ASTN2: variants seen among roughly 807,000 people sequenced by gnomAD.
ASTN2 encodes astrotactin 2, also known as astrotactin-2.
In ASTN2, 54 loss-of-function variants were observed where a neutral mutation model predicts 139.8. The ratio of observed to expected loss-of-function variants is 0.39; its 90% CI spans 0.31 to 0.48. ASTN2 has a LOEUF of 0.48. ASTN2 is among the 20% of genes least tolerant of loss of function. The pLI, the probability that ASTN2 is intolerant of heterozygous loss-of-function variation, is 0.95. For synonymous variants in ASTN2, 756 were observed against 719.5 expected (o/e 1.05, Z -0.81); for missense variants, 1,565 against 1,725.1 (o/e 0.91, Z 1.64).
At chr9:116,906,451 GC>G (rs67045721) in intron 10 of ASTN2, among the ~76,000 whole-genome samples, 120,823 of 151,988 alleles carry the variant, frequency 0.79, 49,188 homozygotes, top group Non-Finnish European at 0.88. Flanking sequence ...TGAGATTCCA[GC>G]CCCCCCAGAC....
intron 13 of ASTN2, among the ~76,000 whole-genome samples, chr9:116,741,629 C>A (rs1235196748): frequency 6.6e-6 from 1 of 152,150 alleles, no homozygotes; most frequent in Non-Finnish European, 1.5e-5. Flanking sequence ...TGTGCAGAAG[C>A]CACTGTCCTT....
chr9:116,850,843 G>A (rs1028673631), intron 11 of ASTN2, among the ~76,000 whole-genome samples: 94 of 150,480 alleles, frequency 6.2e-4, no homozygotes, highest in Admixed American at 5.3e-4. Context: ...GCCCAAACCA[G>A]AGTCTACACC....
At chr9:116,986,659 G>T (rs1836691474) in intron 7 of ASTN2, among the ~76,000 whole-genome samples, 1 of 152,130 alleles carries the variant, frequency 6.6e-6, no homozygotes, top group African/African-American at 2.4e-5. Context: ...AAACCAAGGT[G>T]GGCTCTATTA....
At chr9:117,226,079 A>G (rs1037062358) in intron 2 of ASTN2, among the ~76,000 whole-genome samples, 3 of 152,224 alleles carry the variant, frequency 2.0e-5, no homozygotes, top group African/African-American at 7.2e-5. Flanking sequence ...CACAGCTTCC[A>G]AGTGTAAAAC....
intron 7 of ASTN2, among the ~76,000 whole-genome samples, chr9:116,990,259 A>C (rs2132549965): frequency 6.6e-6 from 1 of 152,240 alleles, no homozygotes; most frequent in South Asian, 2.1e-4. Flanking sequence ...TCTTCTTAAA[A>C]GTTCTTTTGT....
In ASTN2 at chr9:116,797,647, AT is replaced by A. The variant is rs571153789; in HGVS notation, c.2396+7984del. ...GAATAGCCTTGAAAATCAGAAGCTA[AT>A]GCCTCCTTTTAATTAATGCTGTCTC... is the stretch of plus-strand genomic sequence containing the variant. On this transcript the variant is annotated intron_variant, in intron 13 of 22. Coordinates refer to ENST00000313400, the MANE Select transcript of ASTN2 (RefSeq NM_001365068.1). Among the ~76,000 whole-genome samples, 28 of 152,292 alleles carry A rather than the reference AT, an allele frequency of 1.8e-4. No individual in the cohort carries two copies. In the East Asian group the frequency reaches 5.4e-3, roughly 29 times the overall value.
intron 17 of ASTN2, among the ~76,000 whole-genome samples, chr9:116,621,775 T>C (rs774281521): frequency 4.6e-5 from 7 of 152,192 alleles, no homozygotes; most frequent in African/African-American, 7.2e-5. Flanking sequence ...AAATAGATCA[T>C]TAATAGTTGG....
chr9:116,698,265 A>G lies in ASTN2; in HGVS notation c.2806+27506T>C. 1 of 1,614,146 alleles carries G rather than the reference A, an allele frequency of 6.2e-7. No homozygotes were observed. Among genetic ancestry groups the G allele is most frequent in the Non-Finnish European group, 8.5e-7 (1 of 1,180,020 alleles). ...GAAGGCAGCCTTGGAAGGTGTCTCC[A>G]AGGACCTTCAGGCAAGGTATAAAGC... On this transcript the variant is annotated intron_variant, in intron 16 of 22. Coordinates refer to ENST00000313400, the MANE Select transcript of ASTN2 (RefSeq NM_001365068.1). The surrounding 1 kb of genome is among the most constrained non-coding windows in gnomAD (Gnocchi z 4.4).
chr9:116,822,796 G>C (rs1831526905), intron 11 of ASTN2, among the ~76,000 whole-genome samples: 1 of 152,216 alleles, frequency 6.6e-6, no homozygotes, highest in Non-Finnish European at 1.5e-5. Flanking sequence ...TCTGTCCTAA[G>C]CCCTGGAACT....
In ASTN2 at chr9:117,406,857, AACACACACAC is replaced by A. The variant is rs59125408; in HGVS notation, c.442+7630_442+7639del. Among the ~76,000 whole-genome samples the A allele has an allele frequency of 9.3e-3, 1,345 of 144,144 alleles. 6 individuals carry two copies. The highest frequency in any genetic ancestry group is 0.013 in the South Asian group (56 of 4,304). 94.6% of individuals were successfully genotyped at this position (144,144 alleles called of 152,430 possible). On this transcript the variant is annotated intron_variant, in intron 1 of 22. Transcript: ENST00000313400. ...ATTATGTCTGTTGTCATTGTCCCCT[AACACACACAC>A]ACACACACACACACACACACACACA...
At chr9:117,176,155 G>A (rs1175881824) in intron 3 of ASTN2, among the ~76,000 whole-genome samples, 1 of 152,000 alleles carries the variant, frequency 6.6e-6, no homozygotes, top group Non-Finnish European at 1.5e-5. Flanking sequence ...AATAATCATT[G>A]AAGTTATAAT....
Position 117,205,638 on chromosome 9 carries a change from T to C in ASTN2, c.1015+8720A>G, listed in dbSNP as rs557512883. ...TTGTCCACTGAGCATCAAGGAAAGA[T>C]GGGCCTCAGAGGAGAATCTCAGGAG... is the stretch of plus-strand genomic sequence containing the variant. On this transcript the variant is annotated intron_variant, in intron 3 of 22. Coordinates refer to ENST00000313400, the MANE Select transcript of ASTN2 (RefSeq NM_001365068.1). 3.9e-5 allele frequency among the ~76,000 whole-genome samples: 6 copies of C among 152,220 alleles called. No homozygotes were observed. In the South Asian group the frequency reaches 8.3e-4, roughly 21 times the overall value.
At chr9:116,793,990 G>A (rs1319001006) in intron 13 of ASTN2, among the ~76,000 whole-genome samples, 1 of 151,918 alleles carries the variant, frequency 6.6e-6, no homozygotes, top group Non-Finnish European at 1.5e-5. Flanking sequence ...GGCTTCCCTG[G>A]GCCATGTTGG....
intron 20 of ASTN2, among the ~76,000 whole-genome samples, chr9:116,475,459 A>G (rs941798516): frequency 2.6e-5 from 4 of 151,674 alleles, no homozygotes; most frequent in Non-Finnish European, 5.9e-5. Flanking sequence ...ACTGAAGGCC[A>G]GTAATAGAAC....
At chr9:117,347,543 GC>G (rs1399498611) in intron 1 of ASTN2, among the ~76,000 whole-genome samples, 7 of 152,072 alleles carry the variant, frequency 4.6e-5, no homozygotes, top group African/African-American at 1.7e-4. Context: ...TTAAGAGTTT[GC>G]CCTGAATCAC....
At chr9:116,514,687 G>C (rs1365261812) in intron 19 of ASTN2, among the ~76,000 whole-genome samples, 2 of 152,146 alleles carry the variant, frequency 1.3e-5, no homozygotes, top group Non-Finnish European at 2.9e-5. Flanking sequence ...TGTTTACCTA[G>C]TGAAGCCTCA....
chr9:117,020,926 T>A (rs1005642579), intron 6 of ASTN2, among the ~76,000 whole-genome samples: 16 of 151,972 alleles, frequency 1.1e-4, no homozygotes, highest in Admixed American at 9.2e-4. Context: ...CACAGTTCCC[T>A]CCCCACACTC....
intron 13 of ASTN2, among the ~76,000 whole-genome samples, chr9:116,783,575 T>C (rs922704186): frequency 6.6e-6 from 1 of 152,176 alleles, no homozygotes; most frequent in African/African-American, 2.4e-5. Context: ...AGTGAGGTAG[T>C]TAATATGTTC....
intron 4 of ASTN2, among the ~76,000 whole-genome samples, chr9:117,139,931 G>C (rs1434046909): frequency 6.6e-6 from 1 of 152,152 alleles, no homozygotes; most frequent in Non-Finnish European, 1.5e-5. Flanking sequence ...CAACATAATA[G>C]TACATAGTCG....
Sources: allele counts gnomAD v4.1 joint callset (sites outside exome capture counted in the v4.1 genomes callset), GRCh38; gene constraint gnomAD v4.1.1; non-coding constraint Gnocchi (gnomAD v3.1); transcripts MANE v1.5; gene names NCBI Gene and HGNC (gene_info 2026-07-23, HGNC 2026-07-21).